TBCE: variants seen among roughly 807,000 people sequenced by gnomAD.
TBCE encodes tubulin-specific chaperone E.
A neutral mutation model predicts 77.0 loss-of-function variants in TBCE; 53 were observed. The observed-to-expected ratio is 0.69, with a 90% CI of 0.55 to 0.87. The LOEUF (loss-of-function observed/expected upper bound fraction) is 0.87, where lower values mean the gene tolerates loss of function less well. TBCE is among the 40% of genes least tolerant of loss of function. The pLI is 0.00. For synonymous variants in TBCE, 235 were observed against 241.3 expected (o/e 0.97, Z 0.24); for missense variants, 624 against 622.4 (o/e 1.00, Z -0.03).
Position 235,448,688 on chromosome 1 carries a change from G to A in TBCE, c.1510G>A (p.Glu504Lys), listed in dbSNP as rs944601368. Reference sequence around the variant, plus strand: ...ATTTTAGAAGCCGGGCAGAGAAATCGAGCTGGAAAATGACCTAAAGTCATT... The same window carrying A: ...ATTTTAGAAGCCGGGCAGAGAAATCAAGCTGGAAAATGACCTAAAGTCATT... ...ESPKKPGREI[E>K]LENDLKSLQF... The change falls in exon 17 of 17, where the codon GAG becomes AAG. Residue 504 changes from glutamate to lysine, a missense_variant. By Grantham distance (56) the Glu-to-Lys change is moderately conservative. Coordinates refer to ENST00000642610, the MANE Select transcript of TBCE (RefSeq NM_003193.5). 6.8e-6 allele frequency: 11 copies of A among 1,613,884 alleles called. No individual in the cohort carries two copies. Among genetic ancestry groups the A allele is most frequent in the East Asian group, 6.7e-5 (3 of 44,900 alleles).
intron 6 of TBCE, among the ~76,000 whole-genome samples, 158 bp downstream of exon 6, chr1:235,427,397 G>A (rs1680786714): frequency 6.6e-6 from 1 of 152,196 alleles, no homozygotes; most frequent in Non-Finnish European, 1.5e-5. Flanking sequence ...CTGATAGTGA[G>A]GGTATGGAAG....
chr1:235,391,600 C>CTTTTTTTTTTTTTT (rs58265980), intron 2 of TBCE, among the ~76,000 whole-genome samples: 1 of 85,398 alleles, frequency 1.2e-5, no homozygotes, highest in Non-Finnish European at 2.1e-5. Flanking sequence ...GCTTCATTTC[C>CTTTTTTTTTTTTTT]TTTTTTTTTT....
chr1:235,380,065 A>G lies in TBCE; in HGVS notation c.16A>G (p.Thr6Ala). The change falls in exon 2 of 17, where the codon ACA becomes GCA. Residue 6 changes from threonine (T) to alanine (A), a missense_variant. Coordinates refer to ENST00000642610, the MANE Select transcript of TBCE (RefSeq NM_003193.5). ...ATATATTATAATGAGTGACACTTTG[A>G]CAGCGGATGTCATTGGTCGAAGAGT... MSDTLTADVIGRRVEV... is the reference protein window; with the variant it reads MSDTLAADVIGRRVEV... 1 of 1,613,692 alleles carries G rather than the reference A, an allele frequency of 6.2e-7. No individual in the cohort carries two copies. Among genetic ancestry groups the G allele is most frequent in the Non-Finnish European group, 8.5e-7 (1 of 1,179,816 alleles).
At chr1:235,409,524 A>G (rs926660318) in intron 3 of TBCE, among the ~76,000 whole-genome samples, 5 of 152,034 alleles carry the variant, frequency 3.3e-5, no homozygotes, top group African/African-American at 1.2e-4. Flanking sequence ...TTTTCTGAGA[A>G]ACCTGCTGGA....
chr1:235,443,018 A>G, intron 15 of TBCE, 107 bp downstream of exon 15: 1 of 1,088,556 alleles, frequency 9.2e-7, no homozygotes, highest in East Asian at 2.5e-5. Context: ...TGGACCTCAG[A>G]ACTTACAGGT....
chr1:235,448,290 T>C, intron 15 of TBCE, 59 bp from the exon 16 acceptor site: 6 of 1,363,584 alleles, frequency 4.4e-6, no homozygotes, highest in Non-Finnish European at 6.3e-6. Context: ...TCACATGAGC[T>C]AGTTTTACAG....
intron 2 of TBCE, among the ~76,000 whole-genome samples, chr1:235,385,698 G>A (rs1411242426): frequency 6.6e-6 from 1 of 151,494 alleles, no homozygotes; most frequent in Non-Finnish European, 1.5e-5. Context: ...TTTTATTTTG[G>A]GCCTGTGTGT....
chr1:235,425,028 C>A (rs1419902421), intron 5 of TBCE, among the ~76,000 whole-genome samples: 3 of 152,084 alleles, frequency 2.0e-5, no homozygotes, highest in South Asian at 4.1e-4. Flanking sequence ...TGGGTGTACC[C>A]CAAGGCTCAG....
intron 8 of TBCE, 36 bp downstream of exon 8, chr1:235,434,316 T>G (rs2102920383): frequency 6.5e-7 from 1 of 1,528,688 alleles, no homozygotes. Flanking sequence ...CTATCCCCAT[T>G]TAATCATCAT....
rs760362867 is a variant in TBCE at position 235,384,652 on chromosome 1, CGGT to C, written c.100+4508_100+4510del. On this transcript the variant is annotated intron_variant, in intron 2 of 16. Transcript: ENST00000642610. ...ATGGTAGTTTGTATTTCTGTGGGAT[CGGT>C]GGTGATATCCCCTTTATCATTTTTT... 2.5e-3 allele frequency among the ~76,000 whole-genome samples: 377 copies of C among 151,370 alleles called. 1 individual carries two copies. The Middle Eastern group carries it at 0.027, about 11-fold the overall frequency.
At chr1:235,408,565 C>T (rs534269566) in intron 3 of TBCE, among the ~76,000 whole-genome samples, 34 of 151,918 alleles carry the variant, frequency 2.2e-4, no homozygotes, top group African/African-American at 6.8e-4. Context: ...ATTGTGTCAA[C>T]GCAAAAGCAG....
chr1:235,405,320 CTTTTT>C (rs34897905), intron 3 of TBCE, among the ~76,000 whole-genome samples: 1 of 141,000 alleles, frequency 7.1e-6, no homozygotes, highest in Non-Finnish European at 1.5e-5. Context: ...TTACAATTAA[CTTTTT>C]TTTTTTTTTT....
intron 7 of TBCE, chr1:235,433,148 T>C: frequency 1.4e-6 from 2 of 1,442,590 alleles, no homozygotes; most frequent in African/African-American, 1.4e-5. Flanking sequence ...ACCTGTGCTA[T>C]CTGCAGGACT....
chr1:235,428,631 C>CTTTATTTATTTATTTATTTATTTATTTA (rs144210623), intron 6 of TBCE, among the ~76,000 whole-genome samples: 25 of 147,484 alleles, frequency 1.7e-4, no homozygotes, highest in Admixed American at 2.7e-4. Context: ...TTTAAGGACA[C>CTTTATTTATTTATTTATTTATTTATTTA]TTTATTTATT....
chr1:235,425,801 CAT>C (rs1680678100), intron 5 of TBCE, among the ~76,000 whole-genome samples: 1 of 152,146 alleles, frequency 6.6e-6, no homozygotes, highest in Non-Finnish European at 1.5e-5. Context: ...ACTCCTCCGC[CAT>C]GTGCTCCTCT....
intron 13 of TBCE, chr1:235,440,990 C>T (rs1259925704): frequency 1.3e-5 from 2 of 152,194 alleles, no homozygotes; most frequent in South Asian, 2.1e-4. Flanking sequence ...GCTGCATAAA[C>T]GCTTCAGGCT....
chr1:235,446,349 G>A (rs576262899), intron 15 of TBCE, among the ~76,000 whole-genome samples: 1 of 151,952 alleles, frequency 6.6e-6, no homozygotes, highest in Non-Finnish European at 1.5e-5. Flanking sequence ...GCTAATTTTT[G>A]TATTTTTAGT....
intron 13 of TBCE, among the ~76,000 whole-genome samples, chr1:235,440,261 C>T (rs1033671381): frequency 9.2e-5 from 14 of 152,064 alleles, no homozygotes; most frequent in African/African-American, 2.2e-4. Context: ...TGAGCCACCG[C>T]GCCCAGCCAG....
At chr1:235,392,824 G>C (rs1289967138) in intron 2 of TBCE, among the ~76,000 whole-genome samples, 3 of 151,944 alleles carry the variant, frequency 2.0e-5, no homozygotes, top group African/African-American at 4.8e-5. Flanking sequence ...TTTAAGATGG[G>C]GTAGTCACAT....
Sources: allele counts gnomAD v4.1 joint callset (sites outside exome capture counted in the v4.1 genomes callset), GRCh38; gene constraint gnomAD v4.1.1; transcripts MANE v1.5; gene names NCBI Gene and HGNC (gene_info 2026-07-23, HGNC 2026-07-21).